The following SPAG16 variants were observed in gnomAD, a reference collection of about 807,000 sequenced individuals.
SPAG16 encodes sperm-associated antigen 16 protein.
Under a neutral mutation model 80.4 loss-of-function variants are expected in SPAG16, and 86 were observed. The ratio of observed to expected loss-of-function variants is 1.07; its 90% CI spans 0.90 to 1.28. The LOEUF is 1.28. Among genes scored for constraint, SPAG16 ranks in the 50% most tolerant of loss-of-function variants. SPAG16 has a pLI of 0.00. For missense variants in SPAG16, 870 were observed against 765.3 expected, an observed-to-expected ratio of 1.14 and a Z score of -1.61; for synonymous variants, 294 against 265.9, an observed-to-expected ratio of 1.11 and a Z score of -1.03.
intron 15 of SPAG16, among the ~76,000 whole-genome samples, chr2:214,222,433 A>G (rs2058603116): frequency 6.6e-6 from 1 of 152,134 alleles, no homozygotes; most frequent in Admixed American, 6.5e-5. Context: ...TCTTGAGCAC[A>G]TTGTAGTAAA....
chr2:213,740,715 G>A (rs1385890884), intron 10 of SPAG16, among the ~76,000 whole-genome samples: 1 of 152,204 alleles, frequency 6.6e-6, no homozygotes, highest in East Asian at 1.9e-4. Flanking sequence ...GAGAGGCTGT[G>A]GCAAAGTCAG....
intron 10 of SPAG16, among the ~76,000 whole-genome samples, chr2:213,660,337 T>G (rs2063376012): frequency 6.6e-6 from 1 of 150,872 alleles, no homozygotes; most frequent in Admixed American, 6.6e-5. Flanking sequence ...TGGCGCAATC[T>G]CAGCTCACTG....
In SPAG16 at chr2:214,209,756, C is replaced by T. The variant is rs371757106; in HGVS notation, c.1720+60490C>T. ...TTGCCCAGAAACATGAACACTTCCA[C>T]CTTATCTTGAGCCAAATTAAGCCTA... is the stretch of plus-strand genomic sequence containing the variant. On this transcript the variant is annotated intron_variant, in intron 15 of 15. Transcript: ENST00000331683. Among the ~76,000 whole-genome samples the T allele has an allele frequency of 4.6e-5, 7 of 152,106 alleles. No homozygotes were observed. The East Asian group carries it at 1.3e-3, about 29-fold the overall frequency.
chr2:213,887,995 A>G lies in SPAG16; in HGVS notation c.1214+25367A>G, dbSNP rs938242627. ...AGATAGAGTTATTGTTTAAACAAAA[A>G]TTCAATGTTTTTGAGCATATATTAT... On this transcript the variant is annotated intron_variant, in intron 11 of 15. Coordinates refer to ENST00000331683, the MANE Select transcript of SPAG16 (RefSeq NM_024532.5). Among the ~76,000 whole-genome samples the G allele has an allele frequency of 3.0e-4, 46 of 151,936 alleles. 1 individual carries two copies. Among genetic ancestry groups the G allele is most frequent in the Non-Finnish European group, 4.0e-4 (27 of 67,780 alleles).
At chr2:213,729,551 T>C (rs1470905788) in intron 10 of SPAG16, among the ~76,000 whole-genome samples, 2 of 152,184 alleles carry the variant, frequency 1.3e-5, no homozygotes, top group Non-Finnish European at 2.9e-5. Context: ...CAGGTAGCAT[T>C]ATCTTGACAG....
At chr2:214,120,431 C>CT (rs2125453086) in intron 14 of SPAG16, among the ~76,000 whole-genome samples, 1 of 151,758 alleles carries the variant, frequency 6.6e-6, no homozygotes, top group South Asian at 2.1e-4. Flanking sequence ...ATATTAATTT[C>CT]TTTTTTTACT....
intron 15 of SPAG16, among the ~76,000 whole-genome samples, chr2:214,250,532 A>C (rs1170024898): frequency 6.7e-6 from 1 of 150,322 alleles, no homozygotes; most frequent in Non-Finnish European, 1.5e-5. Flanking sequence ...AAACAAGTTA[A>C]AAGCTTTCTA....
At chr2:213,433,466 C>T (rs1036418148) in intron 9 of SPAG16, among the ~76,000 whole-genome samples, 1 of 151,928 alleles carries the variant, frequency 6.6e-6, no homozygotes, top group Non-Finnish European at 1.5e-5. Context: ...AATGGTTGAG[C>T]TAAAAATGAA....
At chr2:213,401,101 AC>A (rs1279099745) in intron 9 of SPAG16, among the ~76,000 whole-genome samples, 1 of 152,176 alleles carries the variant, frequency 6.6e-6, no homozygotes, top group East Asian at 1.9e-4. Flanking sequence ...GAGCCACTGC[AC>A]CCAGCTGTTT....
chr2:213,408,271 T>A (rs2068776841), intron 9 of SPAG16, among the ~76,000 whole-genome samples: 1 of 152,214 alleles, frequency 6.6e-6, no homozygotes, highest in Non-Finnish European at 1.5e-5. Flanking sequence ...CAGAAAGCAC[T>A]GAGGCCACTG....
At chr2:214,213,229 C>A (rs1364024265) in intron 15 of SPAG16, among the ~76,000 whole-genome samples, 1 of 152,180 alleles carries the variant, frequency 6.6e-6, no homozygotes, top group East Asian at 1.9e-4. Context: ...TGTATTAATA[C>A]CTTTATTCCT....
At chr2:214,250,727 C>A (rs988276142) in intron 15 of SPAG16, among the ~76,000 whole-genome samples, 17 of 100,578 alleles carry the variant, frequency 1.7e-4, no homozygotes, top group Admixed American at 3.4e-4. Flanking sequence ...TCTAAAGGAG[C>A]TTTGAGATAT....
Position 213,617,826 on chromosome 2 carries a change from G to A in SPAG16, c.1070+127736G>A, listed in dbSNP as rs559980469. On this transcript the variant is annotated intron_variant, in intron 10 of 15. Coordinates refer to ENST00000331683, the MANE Select transcript of SPAG16 (RefSeq NM_024532.5). ...AGATACTATCTCAAAAAAATAAAAT[G>A]AATAAGTAAATGCCTCTTATGAACC... 5.9e-5 allele frequency among the ~76,000 whole-genome samples: 9 copies of A among 152,138 alleles called. No individual in the cohort carries two copies. In the East Asian group the frequency reaches 1.7e-3, roughly 29 times the overall value.
chr2:213,696,345 G>A (rs1430768526), intron 10 of SPAG16, among the ~76,000 whole-genome samples: 3 of 152,158 alleles, frequency 2.0e-5, no homozygotes, highest in African/African-American at 4.8e-5. Flanking sequence ...AATTGGATAT[G>A]TGAGTTTGGA....
chr2:214,292,880 C>T (rs987152636), intron 15 of SPAG16, among the ~76,000 whole-genome samples: 11 of 152,062 alleles, frequency 7.2e-5, no homozygotes, highest in Admixed American at 5.2e-4. Flanking sequence ...TGAGTGCATG[C>T]GATATTGTAG....
intron 9 of SPAG16, among the ~76,000 whole-genome samples, chr2:213,419,016 C>A (rs2125427463): frequency 9.3e-6 from 1 of 107,304 alleles, no homozygotes; most frequent in Middle Eastern, 5.2e-3. Flanking sequence ...CCTAATGCTG[C>A]TATGCTACAG....
chr2:214,152,617 A>G (rs985430418), intron 15 of SPAG16, among the ~76,000 whole-genome samples: 1 of 152,164 alleles, frequency 6.6e-6, no homozygotes, highest in Non-Finnish European at 1.5e-5. Context: ...ACAAGGAGAT[A>G]AAAGAAAAGA....
intron 15 of SPAG16, among the ~76,000 whole-genome samples, chr2:214,374,256 C>T (rs1359944093): frequency 6.6e-6 from 1 of 152,208 alleles, no homozygotes; most frequent in Non-Finnish European, 1.5e-5. Context: ...GGAAGGGAAT[C>T]TAGAAATGAC....
intron 13 of SPAG16, among the ~76,000 whole-genome samples, chr2:214,063,055 T>G (rs2050357447): frequency 2.0e-5 from 3 of 152,172 alleles, no homozygotes; most frequent in African/African-American, 7.2e-5. Flanking sequence ...GTATAAAAAT[T>G]CAACAAGTAA....
Sources: gnomAD v4.1 joint callset for allele counts (sites outside exome capture counted in the v4.1 genomes callset) on GRCh38, gnomAD v4.1.1 for gene constraint, MANE v1.5 for transcripts, NCBI Gene and HGNC (gene_info 2026-07-23, HGNC 2026-07-21) for gene names.